The following SLC10A7 variants were observed in gnomAD, a reference collection of about 807,000 sequenced individuals.
SLC10A7 encodes solute carrier family 10 member 7, also known as sodium/bile acid cotransporter 7.
Under a neutral mutation model 43.2 loss-of-function variants are expected in SLC10A7, and 29 were observed. That is an observed-to-expected ratio of 0.67 (90% CI 0.50 to 0.92). SLC10A7 has a LOEUF of 0.92. SLC10A7 is among the 40% of genes least tolerant of loss of function. The probability of loss-of-function intolerance (pLI) is 0.00; values close to 1 mark genes in which losing one functional copy is unlikely to be tolerated. For synonymous variants in SLC10A7, 152 were observed against 144.8 expected, an observed-to-expected ratio of 1.05 and a Z score of -0.35; for missense variants, 295 against 403.2, an observed-to-expected ratio of 0.73 and a Z score of 2.30.
rs57927989 is a variant in SLC10A7, at chr4:146,358,073, C to CAAAAAA, written c.436-32083_436-32078dup. ...TGAAAAACCCACAGAAGCACCCCCACAAAAAAAAAAAAAGAGCTAGCTTTT... is the reference window on the plus strand; with the variant it reads ...TGAAAAACCCACAGAAGCACCCCCACAAAAAAAAAAAAAAAAAAAGAGCTAGCTTTT... On this transcript the variant is annotated intron_variant, in intron 5 of 11. Coordinates refer to ENST00000335472, the MANE Select transcript of SLC10A7 (RefSeq NM_001029998.6). 3.5e-3 allele frequency among the ~76,000 whole-genome samples: 475 copies of CAAAAAA among 134,060 alleles called. 2 individuals carry two copies. The highest frequency in any genetic ancestry group is 0.012 in the African/African-American group (443 of 36,920). 87.9% of individuals were successfully genotyped at this position (134,060 alleles called of 152,430 possible).
At chr4:146,351,197 G>C (rs1349232056) in intron 5 of SLC10A7, among the ~76,000 whole-genome samples, 1 of 150,768 alleles carries the variant, frequency 6.6e-6, no homozygotes, top group African/African-American at 2.5e-5. Flanking sequence ...AGGAGCTGAT[G>C]GAGCTGAAAA....
chr4:146,483,875 A>AG (rs1341608314), intron 4 of SLC10A7, among the ~76,000 whole-genome samples: 16 of 152,340 alleles, frequency 1.1e-4, no homozygotes, highest in African/African-American at 3.6e-4. Context: ...CTGTCAAAAG[A>AG]GAAAAAGAAG....
intron 5 of SLC10A7, among the ~76,000 whole-genome samples, chr4:146,390,198 A>C (rs1476759569): frequency 6.6e-6 from 1 of 152,062 alleles, no homozygotes; most frequent in Non-Finnish European, 1.5e-5. Context: ...GTTCACAAGA[A>C]ACTATATTGA....
intron 5 of SLC10A7, among the ~76,000 whole-genome samples, chr4:146,377,344 C>T (rs192384637): frequency 9.2e-5 from 14 of 152,262 alleles, no homozygotes; most frequent in Admixed American, 4.6e-4. Flanking sequence ...AGGCTGTCAC[C>T]CTGACTCTCC....
intron 4 of SLC10A7, among the ~76,000 whole-genome samples, chr4:146,473,590 G>A (rs1733775826): frequency 6.6e-6 from 1 of 151,946 alleles, no homozygotes; most frequent in African/African-American, 2.4e-5. Context: ...TGCAAAGAAG[G>A]GGTATAATTT....
At chr4:146,447,929 A>AG in intron 4 of SLC10A7, among the ~76,000 whole-genome samples, 1 of 152,152 alleles carries the variant, frequency 6.6e-6, no homozygotes, top group East Asian at 1.9e-4. Context: ...TTCTTAAAAA[A>AG]AAAAAAACCT....
chr4:146,423,267 C>A (rs537010558), intron 5 of SLC10A7, among the ~76,000 whole-genome samples: 1 of 152,074 alleles, frequency 6.6e-6, no homozygotes, highest in Non-Finnish European at 1.5e-5. Context: ...ATTTCCTTTG[C>A]AACTAACTCC....
intron 5 of SLC10A7, among the ~76,000 whole-genome samples, chr4:146,378,141 A>G (rs1737341902): frequency 6.6e-6 from 1 of 152,198 alleles, no homozygotes; most frequent in Non-Finnish European, 1.5e-5. Context: ...GGGAGGCATG[A>G]GGTCTAGTGA....
intron 10 of SLC10A7, among the ~76,000 whole-genome samples, chr4:146,266,219 T>C (rs1452160864): frequency 6.6e-6 from 1 of 152,220 alleles, no homozygotes; most frequent in Admixed American, 6.5e-5. Context: ...GTCCTAACAC[T>C]GTTATTTGAA....
At chr4:146,270,312 C>T (rs1169319234) in intron 10 of SLC10A7, among the ~76,000 whole-genome samples, 6 of 152,186 alleles carry the variant, frequency 3.9e-5, no homozygotes, top group Non-Finnish European at 5.9e-5. Context: ...CCTCTGTTTT[C>T]TCTTCTGAAT....
intron 5 of SLC10A7, among the ~76,000 whole-genome samples, chr4:146,382,141 G>C (rs1315017252): frequency 6.6e-6 from 1 of 152,174 alleles, no homozygotes; most frequent in African/African-American, 2.4e-5. Context: ...AAGTACTCTG[G>C]GTTCTGTTAT....
intron 10 of SLC10A7, among the ~76,000 whole-genome samples, chr4:146,265,927 G>A (rs962693124): frequency 5.3e-5 from 8 of 152,156 alleles, no homozygotes; most frequent in African/African-American, 1.7e-4. Context: ...AAAAACACAC[G>A]TTGTGCCTTT....
intron 4 of SLC10A7, among the ~76,000 whole-genome samples, chr4:146,482,615 T>C (rs2149988991): frequency 6.7e-6 from 1 of 149,870 alleles, no homozygotes; most frequent in South Asian, 2.1e-4. Flanking sequence ...GAAGAAAGCC[T>C]ATGGGACTTA....
chr4:146,317,783 A>G (rs978307945), intron 6 of SLC10A7, among the ~76,000 whole-genome samples: 1 of 151,740 alleles, frequency 6.6e-6, no homozygotes, highest in Non-Finnish European at 1.5e-5. Context: ...TATACCAGCC[A>G]CCACCCCCAA....
chr4:146,326,747 A>G (rs1578889940), intron 5 of SLC10A7, among the ~76,000 whole-genome samples: 1 of 152,198 alleles, frequency 6.6e-6, no homozygotes, highest in Admixed American at 6.5e-5. Flanking sequence ...TCAGTTTTGG[A>G]GCAGCAGATG....
intron 10 of SLC10A7, among the ~76,000 whole-genome samples, chr4:146,259,532 T>C (rs148876289): frequency 0.022 from 3,314 of 152,054 alleles, 108 homozygotes; most frequent in African/African-American, 0.076. Flanking sequence ...ACCTGGGAGG[T>C]GGAGGTTGCA....
chr4:146,409,896 G>A (rs2149830403), intron 5 of SLC10A7, among the ~76,000 whole-genome samples: 1 of 152,276 alleles, frequency 6.6e-6, no homozygotes, highest in African/African-American at 2.4e-5. Flanking sequence ...ATCACAAAAA[G>A]TGATATCCTT....
intron 6 of SLC10A7, among the ~76,000 whole-genome samples, chr4:146,315,669 T>C (rs1394682996): frequency 6.6e-6 from 1 of 152,172 alleles, no homozygotes; most frequent in Non-Finnish European, 1.5e-5. Context: ...GAATTTTAAT[T>C]ATTTGTGCAT....
At chr4:146,466,163 G>T (rs1733015262) in intron 4 of SLC10A7, among the ~76,000 whole-genome samples, 1 of 152,106 alleles carries the variant, frequency 6.6e-6, no homozygotes, top group African/African-American at 2.4e-5. Context: ...AACATCTTTT[G>T]AGGGATTACA....
Sources: gnomAD v4.1 joint callset for allele counts (sites outside exome capture counted in the v4.1 genomes callset) on GRCh38, gnomAD v4.1.1 for gene constraint, MANE v1.5 for transcripts, NCBI Gene and HGNC (gene_info 2026-07-23, HGNC 2026-07-21) for gene names.